Variants in MROH1 observed in about 807,000 individuals in gnomAD.
MROH1 encodes maestro heat like repeat family member 1, also known as maestro heat-like repeat-containing protein family member 1.
MROH1 carries 117 observed loss-of-function variants against 116.5 expected under a neutral mutation model. That is an observed-to-expected ratio of 1.00 (90% CI 0.86 to 1.17). The LOEUF (loss-of-function observed/expected upper bound fraction) is 1.17, where lower values mean the gene tolerates loss of function less well. Among genes scored for constraint, MROH1 ranks in the 50% most tolerant of loss-of-function variants. MROH1 has a pLI of 0.00. For missense variants in MROH1, 1,873 were observed against 1,338.5 expected, an observed-to-expected ratio of 1.40 and a Z score of -6.23; for synonymous variants, 921 against 583.9, an observed-to-expected ratio of 1.58 and a Z score of -8.32.
At position 144,180,716 on chromosome 8, in the gene MROH1, T is replaced by C. The variant is rs1415172917; in HGVS notation, c.562+193T>C. On this transcript the variant is annotated intron_variant, in intron 7 of 43. Coordinates refer to ENST00000326134, the MANE Select transcript of MROH1 (RefSeq NM_032450.3). This position sits in a 1 kb window ranked among gnomAD's most constrained non-coding sequence, Gnocchi z 7.4. ...GTGGGGCTGACACAGCCTCTGTCTC[T>C]TGTTTCTCTCTACTCCTGGAGAGCC... 1.3e-5 allele frequency among the ~76,000 whole-genome samples: 2 copies of C among 152,110 alleles called. No homozygotes were observed. Among genetic ancestry groups the C allele is most frequent in the Non-Finnish European group, 2.9e-5 (2 of 67,996 alleles).
intron 14 of MROH1, among the ~76,000 whole-genome samples, chr8:144,224,908 G>A (rs1240383949): frequency 1.3e-5 from 2 of 152,148 alleles, no homozygotes; most frequent in Admixed American, 6.5e-5. Flanking sequence ...AGGGAGCCTC[G>A]CCTGGATGTA....
chr8:144,149,931 T>G (rs1816321245), intron 1 of MROH1, among the ~76,000 whole-genome samples: 1 of 152,100 alleles, frequency 6.6e-6, no homozygotes, highest in African/African-American at 2.4e-5. Context: ...TTGGTGACTT[T>G]GGAAGTTGAT....
At chr8:144,206,700 A>G (rs959345828) in intron 12 of MROH1, among the ~76,000 whole-genome samples, 2 of 150,342 alleles carry the variant, frequency 1.3e-5, no homozygotes, top group Admixed American at 6.6e-5. Flanking sequence ...CTGGGATTAT[A>G]GGCATGAGCC....
At chr8:144,255,732 C>T (rs1843614163) in intron 35 of MROH1, 27 bp downstream of exon 35, 1 of 732,894 alleles carries the variant, frequency 1.4e-6, no homozygotes, top group Non-Finnish European at 2.5e-6. Flanking sequence ...TTCCCACCTC[C>T]AGTACTGATT....
intron 10 of MROH1, 118 bp downstream of exon 10, chr8:144,192,519 G>T (rs1257747080): frequency 1.2e-6 from 1 of 828,502 alleles, no homozygotes; most frequent in East Asian, 2.6e-5. Flanking sequence ...TGGGGCTGAG[G>T]ACTGGGCATT....
intron 33 of MROH1, chr8:144,251,873 G>A (rs1325807694): frequency 1.2e-5 from 2 of 167,186 alleles, no homozygotes; most frequent in African/African-American, 2.4e-5. Flanking sequence ...AGGTTTTGGC[G>A]ATTGTGCTGT....
intron 1 of MROH1, among the ~76,000 whole-genome samples, chr8:144,159,905 C>T (rs940637651): frequency 2.6e-5 from 4 of 151,822 alleles, no homozygotes; most frequent in Admixed American, 1.3e-4. Context: ...GTAGCTGGGA[C>T]TACAGGGGCC....
chr8:144,245,278 T>C lies in MROH1; in HGVS notation c.2871+18T>C. ...GTGTCAGCGTGAGTACCTGGGTCCCTGGCCCGGGTGCTGCTGCCTGTGTTA... is the reference window on the plus strand; with the variant it reads ...GTGTCAGCGTGAGTACCTGGGTCCCCGGCCCGGGTGCTGCTGCCTGTGTTA... On this transcript the variant is annotated intron_variant, in intron 29 of 43. Coordinates refer to ENST00000326134, the MANE Select transcript of MROH1 (RefSeq NM_032450.3). 1.3e-6 allele frequency: 1 copy of C among 774,344 alleles called. No homozygotes were observed. The highest frequency in any genetic ancestry group is 2.4e-6 in the Non-Finnish European group (1 of 417,626). 48.0% of individuals were successfully genotyped at this position (774,344 alleles called of 1,614,324 possible). A position where few individuals can be genotyped will look rare whatever the true frequency, so the allele number is the denominator to read the frequency against.
chr8:144,183,755 G>A (rs1219947525), intron 7 of MROH1, among the ~76,000 whole-genome samples: 1 of 151,678 alleles, frequency 6.6e-6, no homozygotes, highest in Non-Finnish European at 1.5e-5. Context: ...CACGCCATTC[G>A]CCTGCCTCAG....
intron 12 of MROH1, among the ~76,000 whole-genome samples, chr8:144,202,926 A>G (rs1327671173): frequency 4.4e-5 from 2 of 45,536 alleles, no homozygotes; most frequent in African/African-American, 1.0e-4. Context: ...GGGCTGGGAG[A>G]GGAGCGCCCG....
intron 28 of MROH1, 68 bp downstream of exon 28, chr8:144,244,607 C>A (rs1270156653): frequency 2.8e-6 from 2 of 715,686 alleles, no homozygotes; most frequent in South Asian, 1.5e-5. Flanking sequence ...TGGCTGCTGG[C>A]CCTCTCTCCA....
At position 144,260,054 on chromosome 8, in the gene MROH1, C is replaced by G. The variant is rs1271429443; in HGVS notation, c.4188C>G (p.Asp1396Glu). The change falls in exon 38 of 44, where the codon GAC (aspartate) becomes GAG (glutamate). Residue 1396 changes from aspartate to glutamate, a missense_variant. Physicochemically the swap from Asp to Glu is conservative, Grantham distance 45 (BLOSUM62 2). Transcript: ENST00000326134. ...CCAACCTGGCCTCCGGCTGCCCTGA[C>G]AAGGTGGGGTGGCCACCAGCCCCTC... is the stretch of plus-strand genomic sequence containing the variant. Reference protein sequence around the residue: ...GLANLASGCPDKVRTHGPQLL... With the variant: ...GLANLASGCPEKVRTHGPQLL... 1.1e-5 allele frequency: 8 copies of G among 725,992 alleles called. No homozygotes were observed. The highest frequency in any genetic ancestry group is 1.8e-5 in the Non-Finnish European group (7 of 398,866). 45.0% of individuals were successfully genotyped at this position (725,992 alleles called of 1,614,324 possible).
intron 7 of MROH1, 83 bp from the exon 8 acceptor site, chr8:144,190,701 G>C: frequency 2.0e-6 from 3 of 1,524,410 alleles, no homozygotes; most frequent in Non-Finnish European, 2.7e-6. Flanking sequence ...GGGATTTCTG[G>C]AAGGGGCAGG....
chr8:144,237,345 G>A (rs921709836), intron 14 of MROH1, among the ~76,000 whole-genome samples: 7,307 of 152,284 alleles, frequency 0.048, 253 homozygotes, highest in Non-Finnish European at 0.074. Flanking sequence ...AGCACCCTTC[G>A]AGCGCGCAGG....
At chr8:144,203,604 A>G (rs1760571203) in intron 12 of MROH1, among the ~76,000 whole-genome samples, 2 of 152,024 alleles carry the variant, frequency 1.3e-5, no homozygotes, top group Admixed American at 1.3e-4. Flanking sequence ...CTGAGAGGAG[A>G]GCGCCTGCAG....
chr8:144,253,587 C>T lies in MROH1; in HGVS notation c.3429-1226C>T, dbSNP rs987426407. ...TGCTGGCGCGTGCTGTGTGCCTGCC[C>T]TCCTGTGCATTTGTCCACGTTTCCT... On this transcript the variant is annotated intron_variant, in intron 33 of 43. Transcript: ENST00000326134. Among the ~76,000 whole-genome samples the T allele has an allele frequency of 4.1e-3, 621 of 152,272 alleles. 2 individuals are homozygous for T. Among genetic ancestry groups the T allele is most frequent in the Admixed American group, 8.6e-3 (131 of 15,298 alleles).
At position 144,218,670 on chromosome 8, in the gene MROH1, C is replaced by G. The variant is rs1330868226; in HGVS notation, c.1142-1930C>G. ...ACCATCCTCCCCTCCTCTCCCCTCC[C>G]GTCCCCTCTCCCCTCCCCTCTCTCC... On this transcript the variant is annotated intron_variant, in intron 12 of 43. Transcript: ENST00000326134. 3.3e-5 allele frequency among the ~76,000 whole-genome samples: 3 copies of G among 91,270 alleles called. No individual in the cohort carries two copies. The East Asian group carries it at 1.1e-3, about 34-fold the overall frequency. The allele number at this position is 91,270 out of a possible 152,430, so 59.9% of individuals were successfully genotyped here. A position where few individuals can be genotyped will look rare whatever the true frequency, so the allele number is the denominator to read the frequency against.
intron 12 of MROH1, among the ~76,000 whole-genome samples, chr8:144,215,630 G>A (rs1233547006): frequency 1.3e-5 from 2 of 152,110 alleles, no homozygotes; most frequent in African/African-American, 4.8e-5. Flanking sequence ...CCAGCACTTT[G>A]GGAGGCCGAG....
At chr8:144,216,512 T>C (rs2132251773) in intron 12 of MROH1, among the ~76,000 whole-genome samples, 1 of 152,138 alleles carries the variant, frequency 6.6e-6, no homozygotes, top group East Asian at 1.9e-4. Context: ...CCAGTGTCTT[T>C]GCCATCAGTA....
Sources: gnomAD v4.1 joint callset for allele counts (sites outside exome capture counted in the v4.1 genomes callset) on GRCh38, gnomAD v4.1.1 for gene constraint, Gnocchi (gnomAD v3.1) non-coding constraint, MANE v1.5 for transcripts, NCBI Gene and HGNC (gene_info 2026-07-23, HGNC 2026-07-21) for gene names.